The following TBL1X variants were observed in gnomAD, a reference collection of about 807,000 sequenced individuals.
TBL1X encodes F-box-like/WD repeat-containing protein TBL1X.
Under a neutral mutation model 50.7 loss-of-function variants are expected in TBL1X, and 10 were observed. That is an observed-to-expected ratio of 0.20 (90% CI 0.12 to 0.33). The LOEUF (loss-of-function observed/expected upper bound fraction) is 0.33. Ranked by LOEUF, TBL1X falls within the 10% of genes least tolerant of loss-of-function variation. The pLI is 1.00. For synonymous variants in TBL1X, 190 were observed against 214.7 expected (o/e 0.88, Z 1.01); for missense variants, 340 against 504.4 (o/e 0.67, Z 3.12).
intron 1 of TBL1X, among the ~76,000 whole-genome samples, chrX:9,490,083 A>G (rs1293100808): frequency 9.0e-6 from 1 of 111,177 alleles, no homozygotes; most frequent in Admixed American, 9.6e-5. Context: ...CTCCCGCCTC[A>G]GCCTCCCAAG....
At chrX:9,542,995 G>A (rs994053817) in intron 2 of TBL1X, among the ~76,000 whole-genome samples, 2 of 111,884 alleles carry the variant, frequency 1.8e-5, no homozygotes, top group African/African-American at 6.5e-5. Context: ...TGTGTGCTCT[G>A]TGTGTTTTCA....
chrX:9,516,419 A>G (rs1463469211), intron 2 of TBL1X, among the ~76,000 whole-genome samples: 3 of 112,044 alleles, frequency 2.7e-5, no homozygotes, highest in Non-Finnish European at 5.6e-5. Context: ...GAGGGAAGAT[A>G]AGCGAAAATA....
At position 9,693,309 on chromosome X, in the gene TBL1X, T is replaced by C; in HGVS notation, c.956-13T>C. On this transcript the variant is annotated splice_polypyrimidine_tract_variant and intron_variant, in intron 10 of 17. Coordinates refer to ENST00000645353, the MANE Select transcript of TBL1X (RefSeq NM_005647.4). ...CATGACATTGAGGTCAACATGTTTG[T>C]TTTTACTAACAGGTAACCTGGCCAG... is the stretch of plus-strand genomic sequence containing the variant. The C allele has an allele frequency of 8.3e-7, 1 of 1,210,995 alleles. No homozygotes were observed.
At chrX:9,490,622 G>C (rs906515147) in intron 1 of TBL1X, among the ~76,000 whole-genome samples, 1 of 112,088 alleles carries the variant, frequency 8.9e-6, no homozygotes, top group African/African-American at 3.2e-5. Flanking sequence ...AAGGGGAATT[G>C]GTGATTCTTT....
chrX:9,674,145 T>C (rs1251332744), intron 5 of TBL1X, among the ~76,000 whole-genome samples: 1 of 112,545 alleles, frequency 8.9e-6, no homozygotes. Context: ...AGATAATACA[T>C]ATATTTTTAA....
At chrX:9,609,858 A>G (rs1308979090) in intron 2 of TBL1X, among the ~76,000 whole-genome samples, 4 of 112,182 alleles carry the variant, frequency 3.6e-5, no homozygotes, top group Non-Finnish European at 5.6e-5. Flanking sequence ...TTTGTCAGCT[A>G]TTTGCATTTC....
At chrX:9,679,896 TG>T (rs1278935923) in intron 5 of TBL1X, among the ~76,000 whole-genome samples, 1 of 112,070 alleles carries the variant, frequency 8.9e-6, no homozygotes, top group Non-Finnish European at 1.9e-5. Context: ...ACATAGTCCT[TG>T]GGCATTGTCT....
intron 2 of TBL1X, among the ~76,000 whole-genome samples, chrX:9,620,203 A>T (rs1203464745): frequency 1.8e-5 from 2 of 112,250 alleles, no homozygotes; most frequent in East Asian, 2.8e-4. Context: ...GCCCTGCAAG[A>T]CCTAGAGATG....
chrX:9,501,158 G>A (rs766231888), intron 1 of TBL1X, among the ~76,000 whole-genome samples: 20 of 112,095 alleles, frequency 1.8e-4, no homozygotes, highest in African/African-American at 6.5e-4. Context: ...TAGCATAAGG[G>A]TCAAGTACAA....
In TBL1X at chrX:9,468,782, A is replaced by G. The variant is rs73483653; in HGVS notation, c.-201+3335A>G. On this transcript the variant is annotated intron_variant, in intron 1 of 17. Coordinates refer to ENST00000645353, the MANE Select transcript of TBL1X (RefSeq NM_005647.4). ...ATATATAGGGGTCGGGTAGAGGGAGAGAGAGATTTCCCAGGCTCCTTGTAT... is the reference window on the plus strand; with the variant it reads ...ATATATAGGGGTCGGGTAGAGGGAGGGAGAGATTTCCCAGGCTCCTTGTAT... Among the ~76,000 whole-genome samples the G allele has an allele frequency of 7.8e-3, 866 of 110,383 alleles. 14 individuals carry two copies. The highest frequency in any genetic ancestry group is 0.027 in the African/African-American group (825 of 30,287).
chrX:9,510,135 G>T (rs1056629031), intron 2 of TBL1X, among the ~76,000 whole-genome samples: 2 of 111,063 alleles, frequency 1.8e-5, no homozygotes, highest in Non-Finnish European at 3.8e-5. Context: ...TGGGGTGGGG[G>T]TGCTATGGCA....
At chrX:9,570,871 G>T (rs1470540343) in intron 2 of TBL1X, among the ~76,000 whole-genome samples, 1 of 109,835 alleles carries the variant, frequency 9.1e-6, no homozygotes, top group African/African-American at 3.3e-5. Flanking sequence ...TAGAGACGGG[G>T]TTTCACCATG....
intron 2 of TBL1X, among the ~76,000 whole-genome samples, chrX:9,619,035 A>G (rs1234616319): frequency 3.6e-5 from 4 of 112,098 alleles, no homozygotes; most frequent in African/African-American, 9.7e-5. Flanking sequence ...TTAAAGTGAT[A>G]GACGTTTAAC....
At chrX:9,527,410 C>T (rs567316015) in intron 2 of TBL1X, among the ~76,000 whole-genome samples, 3 of 110,885 alleles carry the variant, frequency 2.7e-5, no homozygotes, top group African/African-American at 9.9e-5. Flanking sequence ...ACCATAATCT[C>T]TCTAGGCCGT....
chrX:9,643,450 A>G (rs2082786450), intron 3 of TBL1X, among the ~76,000 whole-genome samples: 2 of 111,943 alleles, frequency 1.8e-5, no homozygotes, highest in African/African-American at 6.5e-5. Context: ...GTTTGCTGAC[A>G]TAAGTGTAAG....
chrX:9,579,026 C>T (rs1049042595), intron 2 of TBL1X, among the ~76,000 whole-genome samples: 2 of 111,989 alleles, frequency 1.8e-5, no homozygotes, highest in South Asian at 7.5e-4. Flanking sequence ...CTAGTAGGTA[C>T]TCTGTTGCTT....
rs1224411047 is a variant in TBL1X, at chrX:9,653,658, C to T, written c.72C>T (p.Val24=). The T allele has an allele frequency of 8.5e-7, 1 of 1,172,347 alleles. No individual in the cohort carries two copies. Among genetic ancestry groups the T allele is most frequent in the African/African-American group, 1.8e-5 (1 of 56,599 alleles). The part of the protein sequence containing the change: ...RPAGRGAMQS[V]LHHFQRLRGR... ...CAGGAAGAGGGGCCATGCAGTCAGT[C>T]TTGCACCACTTTCAACGTTTGCGAG... Residue 24 remains valine (V), a synonymous_variant, in exon 4 of 18, where the codon GTC becomes GTT. Coordinates refer to ENST00000645353, the MANE Select transcript of TBL1X (RefSeq NM_005647.4).
intron 3 of TBL1X, among the ~76,000 whole-genome samples, chrX:9,649,280 G>T (rs1367413593): frequency 8.9e-6 from 1 of 112,443 alleles, no homozygotes; most frequent in East Asian, 2.8e-4. Context: ...GTAAGTGTTT[G>T]TTGGGGGAGA....
At chrX:9,665,515 AT>A (rs2082924295) in intron 5 of TBL1X, among the ~76,000 whole-genome samples, 1 of 57,361 alleles carries the variant, frequency 1.7e-5, no homozygotes, top group East Asian at 7.9e-4. Context: ...ATATATATAT[AT>A]ATATATATAT....
Sources: gnomAD v4.1 joint callset for allele counts (sites outside exome capture counted in the v4.1 genomes callset) on GRCh38, gnomAD v4.1.1 for gene constraint, MANE v1.5 for transcripts, NCBI Gene and HGNC (gene_info 2026-07-23, HGNC 2026-07-21) for gene names.